Variants in RGS12 observed in about 807,000 individuals in gnomAD.
RGS12 encodes regulator of G-protein signaling 12.
In RGS12, 66 loss-of-function variants were observed where a neutral mutation model predicts 120.1. That is an observed-to-expected ratio of 0.55 (90% CI 0.45 to 0.67). RGS12 has a LOEUF of 0.67. Among genes scored for constraint, RGS12 ranks in the 30% least tolerant of loss-of-function variants. The probability of loss-of-function intolerance (pLI) is 0.00; values close to 1 mark genes in which losing one functional copy is unlikely to be tolerated. For synonymous variants in RGS12, 827 were observed against 804.7 expected (o/e 1.03, Z -0.47); for missense variants, 1,859 against 1,957.7 (o/e 0.95, Z 0.95).
rs780709728 is a variant in RGS12, at chr4:3,439,455, G to C, written c.4115G>C (p.Gly1372Ala). Reference protein sequence around the residue: ...PQEVPGPSRPGSGTHGSRDLP... With the variant: ...PQEVPGPSRPASGTHGSRDLP... ...ACAGCTTCTCTTCTCCTTGTGACAG[G>C]AAGTGGGACCCATGGCAGCCGAGAC... is the stretch of plus-strand genomic sequence containing the variant. Residue 1372 changes from glycine (G) to alanine (A), a missense_variant and splice_region_variant, in exon 18 of 18, where the codon GGA becomes GCA. Physicochemically the swap from Gly to Ala is moderately conservative, Grantham distance 60 (BLOSUM62 0). Transcript: ENST00000336727. 12 of 1,612,802 alleles carry C rather than the reference G, an allele frequency of 7.4e-6. No homozygotes were observed. Among genetic ancestry groups the C allele is most frequent in the Non-Finnish European group, 1.0e-5 (12 of 1,179,912 alleles).
rs138349966 is a variant in RGS12, at chr4:3,342,986, C to T, written c.1931C>T (p.Thr644Met). The change falls in exon 3 of 18, where the codon ACG (threonine) becomes ATG (methionine). Residue 644 changes from threonine to methionine, a missense_variant. Thr to Met is a moderately conservative substitution (Grantham distance 81). Around this residue, in one of 3 missense-constraint regions of RGS12, gnomAD observed 967 missense variants for 994.2 expected, o/e 0.97. Transcript: ENST00000336727. ...GTGLTQPSQRTSARRSFGRSK... is the reference protein window; with the variant it reads ...GTGLTQPSQRMSARRSFGRSK... ...GGACTCACTCAGCCTTCTCAACGCACGTCTGCTCGGAGATCATTTGGGAGA... is the reference window on the plus strand; with the variant it reads ...GGACTCACTCAGCCTTCTCAACGCATGTCTGCTCGGAGATCATTTGGGAGA... 1.5e-5 allele frequency: 24 copies of T among 1,613,746 alleles called. No homozygotes were observed. The highest frequency in any genetic ancestry group is 6.7e-5 in the African/African-American group (5 of 74,904).
At position 3,317,795 on chromosome 4, in the gene RGS12, T is replaced by A; in HGVS notation, c.1625T>A (p.Val542Glu). 6.2e-7 allele frequency: 1 copy of A among 1,613,388 alleles called. No individual in the cohort carries two copies. The highest frequency in any genetic ancestry group is 8.5e-7 in the Non-Finnish European group (1 of 1,179,920). Reference protein sequence around the residue: ...GFNQRWLPVHVLREWQCGHTS... With the variant: ...GFNQRWLPVHELREWQCGHTS... ...AACCAGCGCTGGCTCCCGGTCCACG[T>A]GCTCCGGGAGTGGCAGTGCGGACAC... Residue 542 changes from valine to glutamate, a missense_variant, in exon 2 of 18, where the codon GTG becomes GAG. By Grantham distance (121) the Val-to-Glu change is moderately radical (BLOSUM62 -2). This residue lies in a region of RGS12 where 967 missense variants were observed against 994.2 expected (regional missense o/e 0.97). Transcript: ENST00000336727.
Position 3,433,719 on chromosome 4 carries a change from C to T in RGS12, c.4114+2764C>T, listed in dbSNP as rs1384755258. ...CTTCTAGCCTCAGCGTCATGCACCG[C>T]ACCGCCCCATGCTTCTAGCCCCAGC... On this transcript the variant is annotated intron_variant, in intron 17 of 17. Transcript: ENST00000336727. This position sits in a 1 kb window ranked among gnomAD's most constrained non-coding sequence, Gnocchi z 4.4. 6.6e-6 allele frequency among the ~76,000 whole-genome samples: 1 copy of T among 152,088 alleles called. No homozygotes were observed. The highest frequency in any genetic ancestry group is 2.4e-5 in the African/African-American group (1 of 41,394).
Position 3,317,746 on chromosome 4 carries a change from A to G in RGS12, c.1576A>G (p.Thr526Ala). ...CTCAGTCCCCCCTTCCAAGAGGGGC[A>G]CCGTGGGTGCTGGCTGTGGTTTCAA... ...RSSVPPSKRG[T>A]VGAGCGFNQR... Residue 526 changes from threonine to alanine, a missense_variant, in exon 2 of 18, where the codon ACC (threonine) becomes GCC (alanine). By Grantham distance (58) the Thr-to-Ala change is moderately conservative (BLOSUM62 0). Coordinates refer to ENST00000336727, the MANE Select transcript of RGS12 (RefSeq NM_001394154.1). 6.2e-7 allele frequency: 1 copy of G among 1,613,510 alleles called. No individual in the cohort carries two copies. The highest frequency in any genetic ancestry group is 1.3e-5 in the African/African-American group (1 of 75,060).
chr4:3,388,568 C>T (rs1719107561), intron 4 of RGS12, among the ~76,000 whole-genome samples: 1 of 152,182 alleles, frequency 6.6e-6, no homozygotes, highest in South Asian at 2.1e-4. Context: ...CCCCTCCACC[C>T]TGGCTCCCAC....
At chr4:3,380,257 T>C (rs1718121541) in intron 3 of RGS12, among the ~76,000 whole-genome samples, 1 of 152,228 alleles carries the variant, frequency 6.6e-6, no homozygotes, top group Non-Finnish European at 1.5e-5. Context: ...AGAGGTGGGC[T>C]CCCACGGCCT....
the RGS12 span, among the ~76,000 whole-genome samples, chr4:3,287,003 G>T: frequency 6.6e-6 from 1 of 152,318 alleles, no homozygotes; most frequent in Admixed American, 6.5e-5. Context: ...TGGGTGAATG[G>T]GTTGGGGCCA....
At chr4:3,412,956 G>A (rs1029434474) in intron 4 of RGS12, 2 of 151,832 alleles carry the variant, frequency 1.3e-5, no homozygotes, top group African/African-American at 2.4e-5. Flanking sequence ...GGACAGGGGC[G>A]CCCCCACACT....
intron 4 of RGS12, 183 bp from the exon 5 acceptor site, chr4:3,413,889 T>C: frequency 1.6e-6 from 1 of 613,796 alleles, no homozygotes; most frequent in Non-Finnish European, 2.8e-6. Context: ...TGTTCCCTGC[T>C]CCATCCCTGT....
intron 17 of RGS12, among the ~76,000 whole-genome samples, chr4:3,432,452 C>T (rs1724403373): frequency 6.6e-6 from 1 of 152,202 alleles, no homozygotes. Flanking sequence ...GGGCTGCAGT[C>T]CCGCACCCAC....
intron 2 of RGS12, among the ~76,000 whole-genome samples, chr4:3,330,983 G>C (rs1348743747): frequency 1.3e-5 from 2 of 152,206 alleles, no homozygotes; most frequent in Non-Finnish European, 2.9e-5. Flanking sequence ...AGGGCTGGGA[G>C]ATGTAGTCCT....
At chr4:3,386,101 A>G in intron 3 of RGS12, 1 of 407,466 alleles carries the variant, frequency 2.5e-6, no homozygotes, top group South Asian at 3.5e-5. Context: ...CTTACAGGGC[A>G]TGATGCTACT....
intron 3 of RGS12, among the ~76,000 whole-genome samples, chr4:3,367,074 A>G (rs1716388385): frequency 6.6e-6 from 1 of 151,934 alleles, no homozygotes; most frequent in African/African-American, 2.4e-5. Context: ...CCCCCTGCTC[A>G]CCCTGGGTTT....
intron 8 of RGS12, 63 bp downstream of exon 8, chr4:3,417,155 C>A: frequency 1.4e-6 from 2 of 1,480,146 alleles, no homozygotes; most frequent in South Asian, 1.3e-5. Flanking sequence ...GAGAGCTGTT[C>A]TGTGGGGAGT....
Position 3,304,585 on chromosome 4 carries a change from A to C in RGS12, c.-101-11485A>C, listed in dbSNP as rs116361544. Among the ~76,000 whole-genome samples the C allele has an allele frequency of 9.9e-4, 151 of 152,310 alleles. 1 individual carries two copies. Among genetic ancestry groups the C allele is most frequent in the African/African-American group, 3.5e-3 (145 of 41,560 alleles). ...CTGGAGCCTCGGTTTCCTCATTTGTAAAACGGGATAATTAGACTTCGCTTG... is the reference window on the plus strand; with the variant it reads ...CTGGAGCCTCGGTTTCCTCATTTGTCAAACGGGATAATTAGACTTCGCTTG... On this transcript the variant is annotated intron_variant, in intron 1 of 17. Transcript: ENST00000336727.
rs1287986693 is a variant in RGS12 at position 3,366,532 on chromosome 4, G to T, written c.1999-19884G>T. 6.6e-6 allele frequency among the ~76,000 whole-genome samples: 1 copy of T among 152,156 alleles called. No individual in the cohort carries two copies. Among genetic ancestry groups the T allele is most frequent in the Non-Finnish European group, 1.5e-5 (1 of 68,018 alleles). The stretch of plus-strand genomic sequence containing the variant: ...TCCTAGCTGAGAGTGAGGTGGTCCG[G>T]CCCCGTGAAGGAGGCAGCAGGGCTT... On this transcript the variant is annotated intron_variant, in intron 3 of 17. Coordinates refer to ENST00000336727, the MANE Select transcript of RGS12 (RefSeq NM_001394154.1). The surrounding 1 kb of genome is among the most constrained non-coding windows in gnomAD (Gnocchi z 4.0).
At chr4:3,344,026 A>G (rs992483737) in intron 3 of RGS12, among the ~76,000 whole-genome samples, 52 of 152,054 alleles carry the variant, frequency 3.4e-4, no homozygotes, top group African/African-American at 1.2e-3. Context: ...GTCTGCCCTT[A>G]CGGCATTCTT....
In RGS12 at chr4:3,316,778, T is replaced by C. The variant is rs559894029; in HGVS notation, c.608T>C (p.Ile203Thr). The change falls in exon 2 of 18, where the codon ATT (isoleucine) becomes ACT (threonine). Residue 203 changes from isoleucine to threonine, a missense_variant. Coordinates refer to ENST00000336727, the MANE Select transcript of RGS12 (RefSeq NM_001394154.1). ...TCTAAGGAGGAAATATCAAAAGTTA[T>C]TCATGATGATTCGGTTTTCAGCATT... ...MLSKEEISKV[I>T]HDDSVFSIGL... is the part of the protein sequence containing the mutation. 3.7e-6 allele frequency: 6 copies of C among 1,614,240 alleles called. No individual in the cohort carries two copies. The South Asian group carries it at 6.6e-5, about 18-fold the overall frequency.
intron 17 of RGS12, among the ~76,000 whole-genome samples, chr4:3,437,955 G>A (rs546901655): frequency 1.8e-4 from 27 of 152,296 alleles, no homozygotes; most frequent in Non-Finnish European, 2.9e-4. Context: ...GGAGGGGCAC[G>A]CTGGGATTGG....
Sources: allele counts gnomAD v4.1 joint callset (sites outside exome capture counted in the v4.1 genomes callset), GRCh38; gene constraint gnomAD v4.1.1; regional missense constraint gnomAD v4.1.1; non-coding constraint Gnocchi (gnomAD v3.1); transcripts MANE v1.5; gene names NCBI Gene and HGNC (gene_info 2026-07-23, HGNC 2026-07-21).